RARS1: variants seen among roughly 807,000 people sequenced by gnomAD.
The protein encoded by RARS1 is arginine--tRNA ligase, cytoplasmic.
RARS1 carries 75 observed loss-of-function variants against 78.7 expected under a neutral mutation model. The observed-to-expected ratio is 0.95, with a 90% CI of 0.79 to 1.15. RARS1 has a LOEUF of 1.15. RARS1 is among the 50% of genes most tolerant of loss of function. The probability of loss-of-function intolerance (pLI) is 0.00; values close to 1 mark genes in which losing one functional copy is unlikely to be tolerated. For synonymous variants in RARS1, 273 were observed against 268.2 expected, an observed-to-expected ratio of 1.02 and a Z score of -0.18; for missense variants, 787 against 787.5, an observed-to-expected ratio of 1.00 and a Z score of 0.01.
At chr5:168,494,425 A>G in intron 4 of RARS1, 125 bp from the exon 5 acceptor site, 1 of 1,493,636 alleles carries the variant, frequency 6.7e-7, no homozygotes, top group Non-Finnish European at 8.9e-7. Context: ...AGTCAAGGCC[A>G]CAACTGGTAT....
chr5:168,490,145 C>G (rs1422876420), intron 2 of RARS1, among the ~76,000 whole-genome samples: 1 of 152,120 alleles, frequency 6.6e-6, no homozygotes, highest in African/African-American at 2.4e-5. Context: ...CTGCTATGCT[C>G]GAGTCTCATA....
At position 168,488,631 on chromosome 5, in the gene RARS1, A is replaced by G. The variant is rs747913137; in HGVS notation, c.75A>G (p.Glu25=). The change falls in exon 2 of 15, where the codon GAA becomes GAG. Residue 25 remains glutamate, a synonymous_variant. Transcript: ENST00000231572. ...QEEEIKSLTA[E]IDRLKNCGCL... ...AAGAGATTAAATCTCTGACTGCTGA[A>G]ATTGACCGGTTGAAAAACTGTGGCT... The G allele has an allele frequency of 2.5e-6, 4 of 1,610,260 alleles. No individual in the cohort carries two copies. Among genetic ancestry groups the G allele is most frequent in the Non-Finnish European group, 3.4e-6 (4 of 1,179,248 alleles).
chr5:168,506,216 G>T lies in RARS1; in HGVS notation c.1236+17G>T, dbSNP rs140119854. 6.6e-7 allele frequency: 1 copy of T among 1,526,388 alleles called. No individual in the cohort carries two copies. Among genetic ancestry groups the T allele is most frequent in the Non-Finnish European group, 8.9e-7 (1 of 1,124,442 alleles). The allele number at this position is 1,526,388 out of a possible 1,614,324, so 94.6% of individuals were successfully genotyped here. A position where few individuals can be genotyped will look rare whatever the true frequency, so the allele number is the denominator to read the frequency against. On this transcript the variant is annotated intron_variant, in intron 10 of 14. Transcript: ENST00000231572. ...AATGGACAAGTGAGTTTGTAAATTT[G>T]TATGTGTTTTACATTGACTGATTAG...
chr5:168,493,061 A>C, intron 3 of RARS1: 1 of 464,696 alleles, frequency 2.2e-6, no homozygotes, highest in Non-Finnish European at 3.9e-6. Flanking sequence ...ATGTATTCTC[A>C]ATATTTAAGG....
intron 5 of RARS1, 71 bp from the exon 6 acceptor site, chr5:168,495,244 C>T: frequency 2.0e-6 from 3 of 1,529,038 alleles, no homozygotes; most frequent in South Asian, 1.3e-5. Context: ...GTTTATGCTC[C>T]TCTTAAAAAA....
At chr5:168,516,329 A>T (rs1365827022) in intron 12 of RARS1, among the ~76,000 whole-genome samples, 10 of 152,326 alleles carry the variant, frequency 6.6e-5, no homozygotes, top group Non-Finnish European at 1.5e-4. Flanking sequence ...TATTAGCAAA[A>T]CAGTGAATGG....
rs1191059588 is a variant in RARS1, at chr5:168,502,086, A to T, written c.1038A>T (p.Val346=). The change falls in exon 9 of 15, where the codon GTA becomes GTT. Residue 346 remains valine (V), a synonymous_variant. Transcript: ENST00000231572. ...ATCAAGATAGGATGAATGATATTGTAAAGGAATTTGAAGATAGAGGTAGGC... is the reference window on the plus strand; with the variant it reads ...ATCAAGATAGGATGAATGATATTGTTAAGGAATTTGAAGATAGAGGTAGGC... ...SFYQDRMNDI[V]KEFEDRGFVQ... 2 of 1,603,450 alleles carry T rather than the reference A, an allele frequency of 1.2e-6. No homozygotes were observed. The highest frequency in any genetic ancestry group is 2.3e-5 in the South Asian group (2 of 88,836).
At chr5:168,513,458 T>C (rs1758605357) in intron 12 of RARS1, among the ~76,000 whole-genome samples, 2 of 152,156 alleles carry the variant, frequency 1.3e-5, no homozygotes, top group South Asian at 4.1e-4. Flanking sequence ...TAGCTGGGAC[T>C]ACAGGCACAT....
intron 5 of RARS1, chr5:168,495,014 T>C (rs2152903922): frequency 3.0e-6 from 1 of 333,838 alleles, no homozygotes; most frequent in East Asian, 6.2e-5. Context: ...TTTTTTTTTT[T>C]TTCACTTAAT....
intron 7 of RARS1, among the ~76,000 whole-genome samples, chr5:168,498,460 C>G (rs1046006749): frequency 2.0e-5 from 3 of 152,038 alleles, no homozygotes; most frequent in South Asian, 2.1e-4. Flanking sequence ...TTGACTTAAT[C>G]TGTATATCAA....
intron 6 of RARS1, among the ~76,000 whole-genome samples, chr5:168,495,850 G>A (rs1435095755): frequency 6.6e-6 from 1 of 152,092 alleles, no homozygotes; most frequent in Non-Finnish European, 1.5e-5. Context: ...GAAGCAGGGT[G>A]ATCAAATTAA....
intron 9 of RARS1, among the ~76,000 whole-genome samples, chr5:168,505,248 G>A (rs1164195161): frequency 2.0e-5 from 3 of 148,282 alleles, no homozygotes; most frequent in Non-Finnish European, 4.4e-5. Context: ...TTAAATTTAA[G>A]GACTTAGCAT....
At chr5:168,493,356 G>T (rs1253994890) in intron 3 of RARS1, among the ~76,000 whole-genome samples, 1 of 152,098 alleles carries the variant, frequency 6.6e-6, no homozygotes, top group African/African-American at 2.4e-5. Flanking sequence ...ATTGGAAGGG[G>T]TTACTCTGAA....
chr5:168,497,353 G>A lies in RARS1; in HGVS notation c.822+5G>A. The A allele has an allele frequency of 3.9e-6, 6 of 1,553,612 alleles. No individual in the cohort carries two copies. The highest frequency in any genetic ancestry group is 5.2e-6 in the Non-Finnish European group (6 of 1,148,904). On this transcript the variant is annotated splice_donor_5th_base_variant and intron_variant, in intron 7 of 14. Coordinates refer to ENST00000231572, the MANE Select transcript of RARS1 (RefSeq NM_002887.4). ...GATCTTCAGGTCTTTTATAAGGTTT[G>A]ATACCATTTCTTTTATATTATGTGT...
intron 12 of RARS1, among the ~76,000 whole-genome samples, chr5:168,515,136 CT>C (rs1407759404): frequency 2.6e-5 from 4 of 152,094 alleles, no homozygotes; most frequent in African/African-American, 4.8e-5. Context: ...GTTTTCTCCC[CT>C]GTAAAGTTAG....
intron 9 of RARS1, among the ~76,000 whole-genome samples, chr5:168,504,346 A>G (rs897654855): frequency 1.3e-5 from 2 of 151,906 alleles, no homozygotes; most frequent in African/African-American, 4.8e-5. Context: ...CAACATGGTG[A>G]AACCCCGTGT....
chr5:168,508,992 CTGTT>C (rs759448157), intron 11 of RARS1, among the ~76,000 whole-genome samples: 2 of 151,848 alleles, frequency 1.3e-5, no homozygotes, highest in Non-Finnish European at 2.9e-5. Flanking sequence ...TATTAGGCAT[CTGTT>C]TTTTTTTTAA....
intron 12 of RARS1, among the ~76,000 whole-genome samples, chr5:168,514,109 T>C (rs1327979718): frequency 6.6e-6 from 1 of 152,204 alleles, no homozygotes; most frequent in East Asian, 1.9e-4. Context: ...TTTGAAAGTA[T>C]GTATCTTTTT....
rs1004649998 is a variant in RARS1 at position 168,519,264 on chromosome 5, T to C, written c.*74T>C. ...CACTGTTTGCTTTTTTACAATCATG[T>C]GGACACAAGCATAAGTAAAGAAAAT... On this transcript the variant is annotated 3_prime_UTR_variant, in exon 15 of 15. Coordinates refer to ENST00000231572, the MANE Select transcript of RARS1 (RefSeq NM_002887.4). The C allele has an allele frequency of 8.8e-7, 1 of 1,139,698 alleles. No homozygotes were observed. The highest frequency in any genetic ancestry group is 1.3e-6 in the Non-Finnish European group (1 of 777,350). The allele number at this position is 1,139,698 out of a possible 1,614,324, so 70.6% of individuals were successfully genotyped here.
Sources: gnomAD v4.1 joint callset for allele counts (sites outside exome capture counted in the v4.1 genomes callset) on GRCh38, gnomAD v4.1.1 for gene constraint, MANE v1.5 for transcripts, NCBI Gene and HGNC (gene_info 2026-07-23, HGNC 2026-07-21) for gene names.